The following SEMA4D variants were observed in gnomAD, a reference collection of about 807,000 sequenced individuals.
The protein encoded by SEMA4D is semaphorin 4D.
A neutral mutation model predicts 74.8 loss-of-function variants in SEMA4D; 22 were observed. The observed-to-expected ratio is 0.29, with a 90% confidence interval of 0.21 to 0.42. The LOEUF (loss-of-function observed/expected upper bound fraction) is 0.42, where lower values mean the gene tolerates loss of function less well. SEMA4D is among the 10% of genes least tolerant of loss of function. SEMA4D has a pLI of 1.00. For missense variants in SEMA4D, 937 were observed against 1,118.4 expected (o/e 0.84, Z 2.31); for synonymous variants, 445 against 463.7 (o/e 0.96, Z 0.52).
intron 1 of SEMA4D, among the ~76,000 whole-genome samples, chr9:89,476,473 G>A (rs1861771576): frequency 2.0e-5 from 3 of 152,244 alleles, no homozygotes; most frequent in Admixed American, 2.0e-4. Flanking sequence ...AAAGCAAATG[G>A]CCCTCTGTAA....
At position 89,381,527 on chromosome 9, in the gene SEMA4D, A is replaced by C; in HGVS notation, c.1447-181T>G. The C allele has an allele frequency of 1.9e-6, 1 of 528,690 alleles. No homozygotes were observed. Among genetic ancestry groups the C allele is most frequent in the South Asian group, 4.3e-5 (1 of 23,364 alleles). 32.7% of individuals were successfully genotyped at this position (528,690 alleles called of 1,614,324 possible). On this transcript the variant is annotated intron_variant, in intron 13 of 15. Coordinates refer to ENST00000422704, the MANE Select transcript of SEMA4D (RefSeq NM_001371194.2). This position sits in a 1 kb window ranked among gnomAD's most constrained non-coding sequence, Gnocchi z 4.6. ...GGCAGGTCTGTGACCTTCCTGCAGAATCCACGTGCTATGTCAGGGCTCACT... is the reference window on the plus strand; with the variant it reads ...GGCAGGTCTGTGACCTTCCTGCAGACTCCACGTGCTATGTCAGGGCTCACT...
intron 16 of SEMA4D, among the ~76,000 whole-genome samples, chr9:89,371,904 TGTGTGTG>T (rs1169873260): frequency 4.0e-4 from 4 of 10,032 alleles, no homozygotes; most frequent in Admixed American, 2.8e-3. Flanking sequence ...GGGTGTGGTA[TGTGTGTG>T]GTGTGTGGGG....
chr9:89,463,938 A>C (rs76961175), intron 1 of SEMA4D, among the ~76,000 whole-genome samples: 2 of 37,256 alleles, frequency 5.4e-5, no homozygotes, highest in Admixed American at 3.4e-4. Flanking sequence ...CGTCTCAGAC[A>C]AAAAAAAAAA....
At chr9:89,476,820 C>T (rs541209562) in intron 1 of SEMA4D, among the ~76,000 whole-genome samples, 1 of 152,296 alleles carries the variant, frequency 6.6e-6, no homozygotes, top group South Asian at 2.1e-4. Context: ...AACCTGACTG[C>T]GGAAGGAAGC....
intron 2 of SEMA4D, among the ~76,000 whole-genome samples, chr9:89,425,588 G>A (rs1032138382): frequency 4.6e-5 from 7 of 152,126 alleles, no homozygotes; most frequent in Non-Finnish European, 8.8e-5. Flanking sequence ...GAATCCCAGT[G>A]TTCAAGAGGC....
At chr9:89,383,530 C>T (rs1162738000) in intron 13 of SEMA4D, among the ~76,000 whole-genome samples, 1 of 152,094 alleles carries the variant, frequency 6.6e-6, no homozygotes, top group Non-Finnish European at 1.5e-5. Flanking sequence ...GAGCAGAAGC[C>T]GAGGAGATGC....
At chr9:89,466,036 G>C (rs1858601316) in intron 1 of SEMA4D, among the ~76,000 whole-genome samples, 1 of 152,204 alleles carries the variant, frequency 6.6e-6, no homozygotes, top group Non-Finnish European at 1.5e-5. Context: ...TGGGGCTTGA[G>C]GAGATGGTCC....
intron 2 of SEMA4D, among the ~76,000 whole-genome samples, chr9:89,425,485 T>C (rs1207414526): frequency 1.3e-5 from 2 of 152,252 alleles, no homozygotes; most frequent in Non-Finnish European, 2.9e-5. Context: ...AAGCAGCACG[T>C]GGCCCTGACA....
At chr9:89,411,778 T>C (rs1009440579) in intron 2 of SEMA4D, among the ~76,000 whole-genome samples, 1 of 152,222 alleles carries the variant, frequency 6.6e-6, no homozygotes, top group African/African-American at 2.4e-5. Flanking sequence ...GAGCTGACTC[T>C]GTGCAGAGCC....
Position 89,405,617 on chromosome 9 carries a change from A to G in SEMA4D, c.-161T>C, listed in dbSNP as rs1233841274. 2 of 1,438,510 alleles carry G rather than the reference A, an allele frequency of 1.4e-6. No homozygotes were observed. The highest frequency in any genetic ancestry group is 2.7e-5 in the Admixed American group (1 of 36,990). The allele number at this position is 1,438,510 out of a possible 1,614,324, so 89.1% of individuals were successfully genotyped here. On this transcript the variant is annotated 5_prime_UTR_variant, in exon 3 of 16. Transcript: ENST00000422704. ...CGGTCCCTGAGAATCCACATTTCCCAGTTCTCCAGGTGAGGAGGGGTCGCT... is the reference window on the plus strand; with the variant it reads ...CGGTCCCTGAGAATCCACATTTCCCGGTTCTCCAGGTGAGGAGGGGTCGCT...
chr9:89,452,247 C>T lies in SEMA4D; in HGVS notation c.-244+3641G>A, dbSNP rs1489406228. Reference sequence around the variant, plus strand: ...AGGCTGGAGTGCAGTGGCGCAATCTCGGCTCACTGCAAGCTCTGCCTCCCA... The same window carrying T: ...AGGCTGGAGTGCAGTGGCGCAATCTTGGCTCACTGCAAGCTCTGCCTCCCA... On this transcript the variant is annotated intron_variant, in intron 2 of 15. Coordinates refer to ENST00000422704, the MANE Select transcript of SEMA4D (RefSeq NM_001371194.2). Among the ~76,000 whole-genome samples, 8 of 146,620 alleles carry T rather than the reference C, an allele frequency of 5.5e-5. No individual in the cohort carries two copies. The East Asian group carries it at 1.2e-3, about 22-fold the overall frequency.
intron 9 of SEMA4D, among the ~76,000 whole-genome samples, chr9:89,390,689 T>C (rs34614044): frequency 0.16 from 24,871 of 152,210 alleles, 2,672 homozygotes; most frequent in Non-Finnish European, 0.23. Flanking sequence ...CTGTGTTTCA[T>C]GTGGTTTCCC....
intron 2 of SEMA4D, among the ~76,000 whole-genome samples, chr9:89,429,068 A>G (rs1323406399): frequency 6.6e-6 from 1 of 152,184 alleles, no homozygotes; most frequent in East Asian, 1.9e-4. Flanking sequence ...GGTTCGTCCA[A>G]GAGTGCGAAG....
intron 16 of SEMA4D, among the ~76,000 whole-genome samples, chr9:89,371,840 T>C (rs1388757121): frequency 2.0e-4 from 4 of 19,952 alleles, no homozygotes; most frequent in Middle Eastern, 0.062. Context: ...TGGTGTGTGT[T>C]GGGGGTGTGG....
At chr9:89,427,653 G>A (rs1848385909) in intron 2 of SEMA4D, among the ~76,000 whole-genome samples, 1 of 152,204 alleles carries the variant, frequency 6.6e-6, no homozygotes, top group Admixed American at 6.5e-5. Context: ...CCTGCAAGTG[G>A]CATTTAGTGG....
At chr9:89,383,989 C>T (rs908711150) in intron 13 of SEMA4D, among the ~76,000 whole-genome samples, 4 of 152,150 alleles carry the variant, frequency 2.6e-5, no homozygotes, top group East Asian at 1.9e-4. Context: ...GTTGGAGTGA[C>T]GGTGGACGTG....
chr9:89,450,670 A>AAAAAAAAAAAAAAAAAAAAAAC, intron 2 of SEMA4D: 1 of 509,686 alleles, frequency 2.0e-6, no homozygotes. Context: ...GAAAAAAAAA[A>AAAAAAAAAAAAAAAAAAAAAAC]AAAAAAAAAA....
chr9:89,377,092 A>C, downstream of SEMA4D: 1 of 1,501,862 alleles, frequency 6.7e-7, no homozygotes, highest in South Asian at 1.3e-5. Flanking sequence ...GCACTGAGGA[A>C]GAAGTCGCCA....
At chr9:89,468,184 C>G (rs1306893881) in intron 1 of SEMA4D, among the ~76,000 whole-genome samples, 1 of 152,212 alleles carries the variant, frequency 6.6e-6, no homozygotes, top group African/African-American at 2.4e-5. Context: ...CAGGTATTTC[C>G]AAACCCTCCA....
Sources: allele counts gnomAD v4.1 joint callset (sites outside exome capture counted in the v4.1 genomes callset), GRCh38; gene constraint gnomAD v4.1.1; non-coding constraint Gnocchi (gnomAD v3.1); transcripts MANE v1.5; gene names NCBI Gene and HGNC (gene_info 2026-07-23, HGNC 2026-07-21).